Variants in TCFL5 observed in about 807,000 individuals in gnomAD.
The protein encoded by TCFL5 is transcription factor like 5.
A neutral mutation model predicts 44.3 loss-of-function variants in TCFL5; 9 were observed. The observed-to-expected ratio is 0.20, with a 90% CI of 0.12 to 0.35. TCFL5 has a LOEUF of 0.35. Ranked by LOEUF, TCFL5 falls within the 10% of genes least tolerant of loss-of-function variation. The pLI is 1.00. For synonymous variants in TCFL5, 319 were observed against 271.6 expected (o/e 1.17, Z -1.72); for missense variants, 603 against 613.4 (o/e 0.98, Z 0.18).
intron 4 of TCFL5, among the ~76,000 whole-genome samples, chr20:62,857,143 T>C (rs2063905973): frequency 6.6e-6 from 1 of 152,180 alleles, no homozygotes; most frequent in Non-Finnish European, 1.5e-5. Context: ...TGATCGCACC[T>C]GGCATCCTTT....
At chr20:62,849,545 A>G (rs1377681500) in intron 5 of TCFL5, among the ~76,000 whole-genome samples, 2 of 152,104 alleles carry the variant, frequency 1.3e-5, no homozygotes, top group African/African-American at 4.8e-5. Context: ...GGACTGTGGA[A>G]AAAAACAGCT....
intron 5 of TCFL5, among the ~76,000 whole-genome samples, chr20:62,843,211 G>A (rs6090137): frequency 0.035 from 5,330 of 152,268 alleles, 316 homozygotes; most frequent in African/African-American, 0.12. Context: ...AACCAAATGT[G>A]ATGTTTGGAT....
At chr20:62,853,641 G>A (rs900738580) in intron 5 of TCFL5, among the ~76,000 whole-genome samples, 1 of 152,180 alleles carries the variant, frequency 6.6e-6, no homozygotes, top group Non-Finnish European at 1.5e-5. Flanking sequence ...GTGAACCACT[G>A]TGGCTGGCCG....
chr20:62,853,487 C>T lies in TCFL5; in HGVS notation c.1380+529G>A, dbSNP rs1170189882. The stretch of plus-strand genomic sequence containing the variant: ...CAGCCCCCGCCCCGAGCAGCTGGGA[C>T]TACAGGCATACGCCACCACACCAGG... On this transcript the variant is annotated intron_variant, in intron 5 of 5. Transcript: ENST00000335351. 2.6e-5 allele frequency among the ~76,000 whole-genome samples: 4 copies of T among 152,128 alleles called. No homozygotes were observed. The South Asian group carries it at 6.2e-4, about 24-fold the overall frequency.
Position 62,860,272 on chromosome 20 carries a change from C to A in TCFL5, c.684G>T (p.Met228Ile). The A allele has an allele frequency of 6.2e-7, 1 of 1,613,050 alleles. No homozygotes were observed. Among genetic ancestry groups the A allele is most frequent in the South Asian group, 1.1e-5 (1 of 91,056 alleles). The change falls in exon 2 of 6, where the codon ATG becomes ATT. Residue 228 changes from methionine (M) to isoleucine (I), a missense_variant. Met to Ile is a conservative substitution (Grantham distance 10). Transcript: ENST00000335351. ...TGTTTTGTTGCTGAAGAGGAACATTCATTAGTTCAGATGGATGTCGAATGA... is the reference window on the plus strand; with the variant it reads ...TGTTTTGTTGCTGAAGAGGAACATTAATTAGTTCAGATGGATGTCGAATGA... ...VTLIRHPSEL[M>I]NVPLQQQNKC...
chr20:62,845,339 T>G (rs1600826132), intron 5 of TCFL5: 10 of 1,061,542 alleles, frequency 9.4e-6, no homozygotes, highest in Non-Finnish European at 1.2e-5. Flanking sequence ...GCCAGGCTGG[T>G]CTCGAACTCC....
intron 4 of TCFL5, 114 bp from the exon 5 acceptor site, chr20:62,854,271 G>A (rs2063854968): frequency 1.5e-6 from 2 of 1,347,994 alleles, no homozygotes; most frequent in Non-Finnish European, 2.0e-6. Context: ...CCTGGCCACT[G>A]AGTGCCACGG....
At chr20:62,853,432 G>A (rs908335532) in intron 5 of TCFL5, among the ~76,000 whole-genome samples, 13 of 151,624 alleles carry the variant, frequency 8.6e-5, no homozygotes, top group African/African-American at 7.3e-5. Context: ...CTGCAGCCTC[G>A]ACCTCCCTGG....
intron 4 of TCFL5, 86 bp downstream of exon 4, chr20:62,857,309 C>T (rs983674610): frequency 7.1e-6 from 11 of 1,539,820 alleles, no homozygotes; most frequent in Non-Finnish European, 7.9e-6. Flanking sequence ...AACGCAGAAA[C>T]GGCTAAGGAT....
chr20:62,861,236 GC>G lies in TCFL5; in HGVS notation c.434del (p.Gly145AlafsTer74). ...CCCGGGCCCTCGCTCCGTCCCCGCC[GC>G]CCGACGTCTTCTCCGCCGCGCCCGC... ...SEAGAAEKTS[G>X]GGDGARARAD... On this transcript the variant is annotated frameshift_variant, in exon 1 of 6. Coordinates refer to ENST00000335351, the MANE Select transcript of TCFL5 (RefSeq NM_006602.4). LOFTEE classifies it high-confidence loss of function. This position sits in a 1 kb window ranked among gnomAD's most constrained non-coding sequence, Gnocchi z 4.0. 8.5e-7 allele frequency: 1 copy of G among 1,172,996 alleles called. No individual in the cohort carries two copies. The allele number at this position is 1,172,996 out of a possible 1,614,324, so 72.7% of individuals were successfully genotyped here. A position where few individuals can be genotyped will look rare whatever the true frequency, so the allele number is the denominator to read the frequency against.
intron 5 of TCFL5, among the ~76,000 whole-genome samples, chr20:62,844,309 G>C (rs12625513): frequency 1.2e-4 from 19 of 152,140 alleles, no homozygotes; most frequent in Non-Finnish European, 2.6e-4. Flanking sequence ...GTCTTGATTC[G>C]TATTTCCCTA....
chr20:62,856,886 G>A (rs2063900811), intron 4 of TCFL5, among the ~76,000 whole-genome samples: 1 of 152,128 alleles, frequency 6.6e-6, no homozygotes, highest in African/African-American at 2.4e-5. Flanking sequence ...AACCTACACT[G>A]TGCAAACGAT....
At chr20:62,851,949 C>T in intron 5 of TCFL5, 4 of 770,458 alleles carry the variant, frequency 5.2e-6, no homozygotes, top group Non-Finnish European at 6.3e-6. Context: ...GCTGGGACTA[C>T]AGGCGCCACC....
intron 5 of TCFL5, chr20:62,852,176 C>T: frequency 1.0e-6 from 1 of 985,488 alleles, no homozygotes; most frequent in Non-Finnish European, 1.2e-6. Context: ...AGACTCCTGC[C>T]TGGGTCAACA....
rs1324506380 is a variant in TCFL5, at chr20:62,861,521, C to A, written c.150G>T (p.Thr50=). 1 of 1,181,592 alleles carries A rather than the reference C, an allele frequency of 8.5e-7. No homozygotes were observed. 73.2% of individuals were successfully genotyped at this position (1,181,592 alleles called of 1,614,324 possible). A position where few individuals can be genotyped will look rare whatever the true frequency, so the allele number is the denominator to read the frequency against. Residue 50 remains threonine, a synonymous_variant, in exon 1 of 6, where the codon ACG becomes ACT. Coordinates refer to ENST00000335351, the MANE Select transcript of TCFL5 (RefSeq NM_006602.4). This position sits in a 1 kb window ranked among gnomAD's most constrained non-coding sequence, Gnocchi z 4.0. The part of the protein sequence containing the change: ...TTTDLSLVEM[T]EVEYTQLQHI... ...GCTGCAGCTGCGTGTACTCCACCTC[C>A]GTCATCTCCACCAGGCTCAGGTCGG...
intron 4 of TCFL5, among the ~76,000 whole-genome samples, chr20:62,856,672 C>G (rs1469387314): frequency 6.9e-6 from 1 of 144,942 alleles, no homozygotes; most frequent in Non-Finnish European, 1.5e-5. Context: ...CGCCACTGCA[C>G]TCCAGCCTGG....
At chr20:62,857,761 G>A (rs1187327848) in intron 3 of TCFL5, 123 bp from the exon 4 acceptor site, 11 of 1,175,380 alleles carry the variant, frequency 9.4e-6, no homozygotes, top group Admixed American at 2.7e-5. Context: ...ACAGAGAACC[G>A]AAACACAAAG....
chr20:62,845,563 T>C, intron 5 of TCFL5: 1 of 1,492,712 alleles, frequency 6.7e-7, no homozygotes, highest in Non-Finnish European at 8.9e-7. Flanking sequence ...TTCAGGACAA[T>C]TAAATGAAAG....
chr20:62,846,170 T>TA (rs1019791573), intron 5 of TCFL5: 412 of 1,127,334 alleles, frequency 3.7e-4, no homozygotes, highest in Middle Eastern at 7.7e-4. Flanking sequence ...GACGATAATT[T>TA]AAAAAAAAAG....
Sources: allele counts gnomAD v4.1 joint callset (sites outside exome capture counted in the v4.1 genomes callset), GRCh38; gene constraint gnomAD v4.1.1; non-coding constraint Gnocchi (gnomAD v3.1); transcripts MANE v1.5; gene names NCBI Gene and HGNC (gene_info 2026-07-23, HGNC 2026-07-21).